Variants in CALN1 observed in about 807,000 individuals in gnomAD.
The protein encoded by CALN1 is calneuron 1.
In CALN1, 17 loss-of-function variants were observed where a neutral mutation model predicts 30.6. That is an observed-to-expected ratio of 0.56 (90% CI 0.38 to 0.83). The LOEUF (loss-of-function observed/expected upper bound fraction) is 0.83. CALN1 is among the 40% of genes least tolerant of loss of function. CALN1 has a pLI of 0.00. For missense variants in CALN1, 291 were observed against 354.9 expected (o/e 0.82, Z 1.45); for synonymous variants, 156 against 131.4 (o/e 1.19, Z -1.28).
At chr7:71,895,524 C>G (rs2158656) in intron 5 of CALN1, among the ~76,000 whole-genome samples, 37,870 of 152,046 alleles carry the variant, frequency 0.25, 5,854 homozygotes, top group African/African-American at 0.44. Flanking sequence ...GTAGAAGCAC[C>G]TCTCATGTAT....
intron 3 of CALN1, among the ~76,000 whole-genome samples, chr7:72,170,514 T>G (rs1788862715): frequency 6.6e-6 from 1 of 152,174 alleles, no homozygotes; most frequent in South Asian, 2.1e-4. Context: ...TTTACATAAC[T>G]TGGTTAAAGT....
intron 3 of CALN1, among the ~76,000 whole-genome samples, chr7:72,235,767 C>A (rs977030381): frequency 2.0e-5 from 3 of 151,320 alleles, no homozygotes; most frequent in African/African-American, 7.3e-5. Flanking sequence ...TGCCCCATCA[C>A]CCCTTGGCCA....
At chr7:72,405,126 G>T (rs76844265) in intron 1 of CALN1, among the ~76,000 whole-genome samples, 1 of 152,196 alleles carries the variant, frequency 6.6e-6, no homozygotes, top group Non-Finnish European at 1.5e-5. Context: ...AGATACGACA[G>T]GAAGGGTGTT....
chr7:72,167,101 G>A (rs1788582448), intron 3 of CALN1, among the ~76,000 whole-genome samples: 1 of 152,046 alleles, frequency 6.6e-6, no homozygotes. Context: ...AATAAAAGAA[G>A]GAGAAGAAGT....
At chr7:71,804,995 T>C (rs551041997) in intron 6 of CALN1, among the ~76,000 whole-genome samples, 3 of 152,276 alleles carry the variant, frequency 2.0e-5, no homozygotes, top group Non-Finnish European at 2.9e-5. Flanking sequence ...AGGATGCTGA[T>C]GGCATTTTCA....
At chr7:71,846,710 T>C (rs1254682723) in intron 5 of CALN1, among the ~76,000 whole-genome samples, 1 of 150,318 alleles carries the variant, frequency 6.7e-6, no homozygotes, top group Non-Finnish European at 1.5e-5. Flanking sequence ...AGGCTATATA[T>C]ATATATAGCC....
At chr7:71,955,086 C>T (rs1207826914) in intron 5 of CALN1, among the ~76,000 whole-genome samples, 3 of 152,070 alleles carry the variant, frequency 2.0e-5, no homozygotes, top group South Asian at 2.1e-4. Context: ...TTCACAGTCC[C>T]ACATGGCTGG....
intron 1 of CALN1, among the ~76,000 whole-genome samples, chr7:72,439,042 TTC>T (rs1167023329): frequency 4.6e-5 from 7 of 152,256 alleles, no homozygotes; most frequent in African/African-American, 1.7e-4. Context: ...ATACGACTTT[TTC>T]TTTTTTTCTG....
At chr7:72,206,312 G>A (rs1434008289) in intron 3 of CALN1, among the ~76,000 whole-genome samples, 1 of 152,192 alleles carries the variant, frequency 6.6e-6, no homozygotes, top group East Asian at 1.9e-4. Flanking sequence ...TTTGCTGTCT[G>A]TTCTCTGTAC....
chr7:72,239,922 A>G (rs1314291759), intron 3 of CALN1, among the ~76,000 whole-genome samples: 2 of 152,192 alleles, frequency 1.3e-5, no homozygotes, highest in African/African-American at 4.8e-5. Context: ...CAGCAGAGAC[A>G]ACACAAGCCA....
intron 3 of CALN1, among the ~76,000 whole-genome samples, chr7:72,116,251 G>A (rs1406337722): frequency 6.6e-6 from 1 of 152,142 alleles, no homozygotes; most frequent in East Asian, 1.9e-4. Context: ...GGCACTTCCT[G>A]CTTTTGTTTG....
intron 3 of CALN1, among the ~76,000 whole-genome samples, chr7:72,121,746 C>T (rs1291262490): frequency 6.8e-6 from 1 of 148,118 alleles, no homozygotes; most frequent in African/African-American, 2.5e-5. Flanking sequence ...GTTTTGATTA[C>T]TATAAAGGTT....
chr7:72,242,924 G>A (rs1283689177), intron 3 of CALN1, among the ~76,000 whole-genome samples: 2 of 151,954 alleles, frequency 1.3e-5, no homozygotes, highest in Non-Finnish European at 2.9e-5. Context: ...AAAATTAACT[G>A]GCTTTTAATT....
At chr7:72,490,715 C>T in the CALN1 span, among the ~76,000 whole-genome samples, 3 of 152,166 alleles carry the variant, frequency 2.0e-5, no homozygotes, top group East Asian at 3.9e-4. Flanking sequence ...CACTTTCTCT[C>T]CTGTCACCAT....
At chr7:71,817,062 G>A (rs937852110) in intron 5 of CALN1, among the ~76,000 whole-genome samples, 9 of 152,094 alleles carry the variant, frequency 5.9e-5, no homozygotes, top group East Asian at 1.9e-4. Context: ...AATAAGTTGC[G>A]TAGCATTCCA....
chr7:72,383,715 C>T (rs1004330397), intron 2 of CALN1, among the ~76,000 whole-genome samples: 2 of 152,110 alleles, frequency 1.3e-5, no homozygotes, highest in Admixed American at 1.3e-4. Flanking sequence ...AGAGAAACGT[C>T]CTGTCTGAAA....
upstream of CALN1, among the ~76,000 whole-genome samples, chr7:72,451,875 ACT>A (rs962476614): frequency 2.8e-4 from 43 of 151,886 alleles, no homozygotes; most frequent in African/African-American, 9.9e-4. Context: ...CAACTAAGAA[ACT>A]CTATTTTGGG....
At chr7:71,871,412 T>A (rs1791918522) in intron 5 of CALN1, among the ~76,000 whole-genome samples, 1 of 145,412 alleles carries the variant, frequency 6.9e-6, no homozygotes, top group South Asian at 2.1e-4. Flanking sequence ...ACTCCAGACC[T>A]GCACCCACAC....
At chr7:72,151,964 A>C (rs1379619270) in intron 3 of CALN1, among the ~76,000 whole-genome samples, 1 of 141,980 alleles carries the variant, frequency 7.0e-6, no homozygotes, top group Non-Finnish European at 1.5e-5. Context: ...GCTGGAGTGC[A>C]GTGGCGTGAT....
Sources: gnomAD v4.1 joint callset for allele counts (sites outside exome capture counted in the v4.1 genomes callset) on GRCh38, gnomAD v4.1.1 for gene constraint, MANE v1.5 for transcripts, NCBI Gene and HGNC (gene_info 2026-07-23, HGNC 2026-07-21) for gene names.